The following DACH1 variants were observed in gnomAD, a reference collection of about 807,000 sequenced individuals.
DACH1 encodes dachshund homolog 1.
DACH1 carries 12 observed loss-of-function variants against 54.2 expected under a neutral mutation model. That is an observed-to-expected ratio of 0.22 (90% confidence interval 0.14 to 0.36). The LOEUF (loss-of-function observed/expected upper bound fraction) is 0.36. Ranked by LOEUF, DACH1 falls within the 10% of genes least tolerant of loss-of-function variation. The pLI is 1.00. For synonymous variants in DACH1, 386 were observed against 366.2 expected, an observed-to-expected ratio of 1.05 and a Z score of -0.62; for missense variants, 805 against 929.8, an observed-to-expected ratio of 0.87 and a Z score of 1.75.
In DACH1 at chr13:71,450,039, T is replaced by C. The variant is rs1842208819; in HGVS notation, c.2084-9347A>G. 3.9e-5 allele frequency among the ~76,000 whole-genome samples: 6 copies of C among 152,086 alleles called. No individual in the cohort carries two copies. The South Asian group carries it at 1.2e-3, about 32-fold the overall frequency. On this transcript the variant is annotated intron_variant, in intron 10 of 10. Coordinates refer to ENST00000613252, the MANE Select transcript of DACH1 (RefSeq NM_080759.6). Reference sequence around the variant, plus strand: ...ACATATGTAACTAACCTGCACGTTGTGCACATGTACCCTAAAACAAGAAAA... The same window carrying C: ...ACATATGTAACTAACCTGCACGTTGCGCACATGTACCCTAAAACAAGAAAA...
rs558226998 is a variant in DACH1 at position 71,668,169 on chromosome 13, T to C, written c.964+13626A>G. Among the ~76,000 whole-genome samples the C allele has an allele frequency of 1.1e-4, 17 of 152,110 alleles. No homozygotes were observed. In the East Asian group the frequency reaches 2.1e-3, roughly 19 times the overall value. ...TTGGGAACTAAACATTTTATTGCCT[T>C]TAATATTAAACATTTTACATGTTTA... On this transcript the variant is annotated intron_variant, in intron 2 of 10. Transcript: ENST00000613252.
Position 71,572,903 on chromosome 13 carries a change from T to A in DACH1, c.1236A>T (p.Ala412=). The change falls in exon 4 of 11, where the codon GCA becomes GCT. Residue 412 remains alanine (A), a synonymous_variant. Coordinates refer to ENST00000613252, the MANE Select transcript of DACH1 (RefSeq NM_080759.6). ...GAACTTGTGCTGCTGCTGCCATATT[T>A]GCAATGGTGCTGAGGTGGTTCATCT... ...MSQMNHLSTI[A]NMAAAAQVQS... 1.2e-6 allele frequency: 2 copies of A among 1,614,094 alleles called. No homozygotes were observed. Among genetic ancestry groups the A allele is most frequent in the Non-Finnish European group, 1.7e-6 (2 of 1,179,968 alleles).
intron 10 of DACH1, among the ~76,000 whole-genome samples, chr13:71,441,266 C>T (rs1593698279): frequency 1.3e-5 from 2 of 152,098 alleles, no homozygotes; most frequent in Non-Finnish European, 1.5e-5. Flanking sequence ...AAAATGTAAA[C>T]ACTGTATATT....
At chr13:71,817,194 T>C (rs1887994211) in intron 1 of DACH1, among the ~76,000 whole-genome samples, 1 of 152,154 alleles carries the variant, frequency 6.6e-6, no homozygotes, top group African/African-American at 2.4e-5. Context: ...GGAAATGACA[T>C]TGAAGATCAA....
chr13:71,730,877 A>T (rs1182790535), intron 1 of DACH1, among the ~76,000 whole-genome samples: 1 of 152,066 alleles, frequency 6.6e-6, no homozygotes, highest in Non-Finnish European at 1.5e-5. Context: ...AAGCAATTCT[A>T]AGGGCTACAT....
intron 6 of DACH1, among the ~76,000 whole-genome samples, chr13:71,531,382 TAAAGA>T (rs199979425): frequency 9.4e-5 from 13 of 138,362 alleles, no homozygotes; most frequent in African/African-American, 3.0e-4. Context: ...ACTTTATAAA[TAAAGA>T]AGAGATATTT....
intron 2 of DACH1, among the ~76,000 whole-genome samples, chr13:71,674,477 AC>A (rs1880422582): frequency 6.8e-6 from 1 of 147,660 alleles, no homozygotes; most frequent in African/African-American, 2.5e-5. Context: ...ACACACACAC[AC>A]ACACACGAAG....
At chr13:71,562,372 A>G (rs943059740) in intron 4 of DACH1, among the ~76,000 whole-genome samples, 1 of 152,138 alleles carries the variant, frequency 6.6e-6, no homozygotes, top group Non-Finnish European at 1.5e-5. Context: ...GGAGGGAGAG[A>G]GAAAGAGAAA....
intron 2 of DACH1, among the ~76,000 whole-genome samples, chr13:71,646,979 G>C (rs956898521): frequency 1.3e-5 from 2 of 152,190 alleles, no homozygotes; most frequent in African/African-American, 2.4e-5. Context: ...TGGATGAATA[G>C]AGAAAAGAGA....
chr13:71,864,966 A>G (rs114296523), intron 1 of DACH1, among the ~76,000 whole-genome samples: 1,595 of 152,250 alleles, frequency 0.01, 29 homozygotes, highest in African/African-American at 0.037. Context: ...AGAAAGACAG[A>G]AAGAAAACAC....
intron 1 of DACH1, among the ~76,000 whole-genome samples, chr13:71,735,257 GTGTATATGGGATACACGTA>G (rs1394402525): frequency 4.3e-5 from 2 of 46,002 alleles, no homozygotes; most frequent in East Asian, 3.1e-4. Flanking sequence ...TGGGATATAC[GTGTATATGGGATACACGTA>G]TGTATATGGG....
At chr13:71,609,891 T>C (rs972832459) in intron 3 of DACH1, among the ~76,000 whole-genome samples, 10 of 152,178 alleles carry the variant, frequency 6.6e-5, no homozygotes, top group African/African-American at 2.4e-4. Context: ...TTCTGGATGG[T>C]AGTCAGTAAA....
intron 6 of DACH1, 93 bp downstream of exon 6, chr13:71,556,931 C>T (rs188149416): frequency 4.1e-6 from 5 of 1,230,396 alleles, no homozygotes; most frequent in Middle Eastern, 2.2e-4. Context: ...TTTTTTTTTA[C>T]ATGATGTAGA....
At chr13:71,479,829 C>T (rs575466221) in intron 7 of DACH1, among the ~76,000 whole-genome samples, 2 of 152,218 alleles carry the variant, frequency 1.3e-5, no homozygotes, top group African/African-American at 4.8e-5. Flanking sequence ...TGTTTCTGCC[C>T]CCACGGACTT....
intron 1 of DACH1, chr13:71,846,258 C>A (rs1873252623): frequency 4.0e-6 from 1 of 250,424 alleles, no homozygotes. Flanking sequence ...CCGAAGCAAT[C>A]TTCCTGCTAA....
At chr13:71,563,893 C>T (rs1318580644) in intron 4 of DACH1, among the ~76,000 whole-genome samples, 2 of 151,588 alleles carry the variant, frequency 1.3e-5, no homozygotes, top group African/African-American at 2.4e-5. Context: ...CTTAACTATT[C>T]AATTGAAACT....
intron 2 of DACH1, among the ~76,000 whole-genome samples, chr13:71,657,186 C>A (rs532525950): frequency 1.3e-5 from 2 of 151,428 alleles, no homozygotes; most frequent in African/African-American, 2.4e-5. Context: ...TAGGATCTTG[C>A]GGAAAATAAA....
At chr13:71,500,414 C>T (rs1879811317) in intron 6 of DACH1, among the ~76,000 whole-genome samples, 1 of 152,096 alleles carries the variant, frequency 6.6e-6, no homozygotes. Flanking sequence ...AAATGAGTGT[C>T]ATTGCTATGT....
intron 10 of DACH1, among the ~76,000 whole-genome samples, chr13:71,456,696 G>T (rs1055204959): frequency 1.3e-5 from 2 of 152,048 alleles, no homozygotes; most frequent in Non-Finnish European, 2.9e-5. Context: ...CAACTGGACA[G>T]ACTTCAATTT....
Sources: gnomAD v4.1 joint callset for allele counts (sites outside exome capture counted in the v4.1 genomes callset) on GRCh38, gnomAD v4.1.1 for gene constraint, MANE v1.5 for transcripts, NCBI Gene and HGNC (gene_info 2026-07-23, HGNC 2026-07-21) for gene names.